Variants in CEP83 observed in about 807,000 individuals in gnomAD.
CEP83 encodes centrosomal protein 83.
In CEP83, 70 loss-of-function variants were observed where a neutral mutation model predicts 101.9. The observed-to-expected ratio is 0.69, with a 90% CI of 0.57 to 0.84. The LOEUF (loss-of-function observed/expected upper bound fraction) is 0.84, where lower values mean the gene tolerates loss of function less well. Ranked by LOEUF, CEP83 falls within the 40% of genes least tolerant of loss-of-function variation. The pLI is 0.00. For missense variants in CEP83, 715 were observed against 787.2 expected, an observed-to-expected ratio of 0.91 and a Z score of 1.10; for synonymous variants, 264 against 267.9, an observed-to-expected ratio of 0.99 and a Z score of 0.14.
intron 8 of CEP83, among the ~76,000 whole-genome samples, chr12:94,372,219 G>A (rs1361986380): frequency 2.0e-5 from 3 of 151,910 alleles, no homozygotes; most frequent in Non-Finnish European, 2.9e-5. Flanking sequence ...TGATCCATCC[G>A]CCTCGGCCTT....
intron 11 of CEP83, among the ~76,000 whole-genome samples, chr12:94,336,895 G>A (rs1227504681): frequency 6.6e-6 from 1 of 151,678 alleles, no homozygotes; most frequent in Non-Finnish European, 1.5e-5. Context: ...AAACTCTTTG[G>A]CTTAAGCAAT....
the CEP83 span, chr12:94,281,981 G>C: frequency 3.3e-6 from 1 of 300,330 alleles, no homozygotes; most frequent in African/African-American, 2.2e-5. Context: ...GGGCACACAA[G>C]TGTGAGCATA....
rs919759745 is a variant in CEP83 at position 94,454,565 on chromosome 12, C to A, written c.-155+4992G>T. Among the ~76,000 whole-genome samples, 5 of 152,164 alleles carry A rather than the reference C, an allele frequency of 3.3e-5. No homozygotes were observed. In the East Asian group the frequency reaches 9.6e-4, roughly 29 times the overall value. The stretch of plus-strand genomic sequence containing the variant: ...ACCAATTAGCAGGATGTGGGTGGGG[C>A]CAAATAAGGGAAGAAGAGCTAGGCA... On this transcript the variant is annotated intron_variant, in intron 1 of 16. Coordinates refer to ENST00000397809, the MANE Select transcript of CEP83 (RefSeq NM_016122.3).
At chr12:94,424,865 C>T in intron 2 of CEP83, 1 of 1,602,114 alleles carries the variant, frequency 6.2e-7, no homozygotes, top group Non-Finnish European at 8.6e-7. Context: ...GTTGCTTGGG[C>T]TAGGTGGTGC....
Position 94,449,680 on chromosome 12 carries a change from G to A in CEP83, c.-155+9877C>T, listed in dbSNP as rs538407765. Among the ~76,000 whole-genome samples the A allele has an allele frequency of 1.7e-4, 26 of 149,558 alleles. No homozygotes were observed. The South Asian group carries it at 5.5e-3, about 31-fold the overall frequency. On this transcript the variant is annotated intron_variant, in intron 1 of 16. Coordinates refer to ENST00000397809, the MANE Select transcript of CEP83 (RefSeq NM_016122.3). ...CCCAGCCACTTGGGAGGCGGAAGCCGGAGAATCGCATGAGCCCAGGAGTTT... is the reference window on the plus strand; with the variant it reads ...CCCAGCCACTTGGGAGGCGGAAGCCAGAGAATCGCATGAGCCCAGGAGTTT...
At chr12:94,278,050 T>G in the CEP83 span, 2 of 455,980 alleles carry the variant, frequency 4.4e-6, no homozygotes, top group African/African-American at 4.0e-5. Context: ...TCTTTCGGCT[T>G]TGGAGCCCCC....
Position 94,378,891 on chromosome 12 carries a change from A to G in CEP83, c.701T>C (p.Leu234Ser), listed in dbSNP as rs2061688764. The G allele has an allele frequency of 1.2e-6, 2 of 1,613,954 alleles. No homozygotes were observed. Among genetic ancestry groups the G allele is most frequent in the African/African-American group, 1.3e-5 (1 of 74,914 alleles). The change falls in exon 7 of 17, where the codon TTA becomes TCA. Residue 234 changes from leucine (L) to serine (S), a missense_variant. Transcript: ENST00000397809. ...CTCAGAATTCTCCTTTTCAGCCTTTAATTCCGCTACTTCAGCCTCTAAACC... is the reference window on the plus strand; with the variant it reads ...CTCAGAATTCTCCTTTTCAGCCTTTGATTCCGCTACTTCAGCCTCTAAACC... ...LKGLEAEVAE[L>S]KAEKENSEAQ... is the part of the protein sequence containing the mutation.
chr12:94,271,607 C>T, the CEP83 span, among the ~76,000 whole-genome samples: 1 of 152,238 alleles, frequency 6.6e-6, no homozygotes, highest in Non-Finnish European at 1.5e-5. Context: ...GTCTCTCAAC[C>T]TCTCAAAACC....
intron 1 of CEP83, among the ~76,000 whole-genome samples, chr12:94,447,856 C>T (rs1487246700): frequency 6.6e-6 from 1 of 151,816 alleles, no homozygotes; most frequent in Non-Finnish European, 1.5e-5. Flanking sequence ...TAAAAAGATA[C>T]ACTAAAGAAT....
At chr12:94,443,391 G>A (rs1009125585) in intron 1 of CEP83, among the ~76,000 whole-genome samples, 21 of 151,898 alleles carry the variant, frequency 1.4e-4, no homozygotes, top group Admixed American at 1.0e-3. Flanking sequence ...AACTATTTTC[G>A]GAGTTTTAGT....
intron 2 of CEP83, among the ~76,000 whole-genome samples, chr12:94,422,945 T>TG (rs202041165): frequency 0.018 from 2,777 of 152,308 alleles, 33 homozygotes; most frequent in Middle Eastern, 0.037. Flanking sequence ...ATTTTCAGTT[T>TG]GGGGGTGGGT....
rs142390703 is a variant in CEP83 at position 94,378,054 on chromosome 12, C to T, written c.801+737G>A. Among the ~76,000 whole-genome samples the T allele has an allele frequency of 2.1e-3, 325 of 151,970 alleles. 1 individual carries two copies. Among genetic ancestry groups the T allele is most frequent in the African/African-American group, 6.8e-3 (282 of 41,442 alleles). On this transcript the variant is annotated intron_variant, in intron 7 of 16. Coordinates refer to ENST00000397809, the MANE Select transcript of CEP83 (RefSeq NM_016122.3). ...TGATTTTAACTACAAATTAAATGCC[C>T]GCTAATGTCCCCCCCACCCAAATCA...
downstream of CEP83, chr12:94,306,783 ACACCT>A (rs1969070232): frequency 6.6e-6 from 1 of 152,240 alleles, no homozygotes; most frequent in South Asian, 2.1e-4. Context: ...GAGAGAGGTG[ACACCT>A]CAACAAACTG....
chr12:94,341,641 T>C (rs1456456254), intron 11 of CEP83, among the ~76,000 whole-genome samples: 1 of 151,984 alleles, frequency 6.6e-6, no homozygotes, highest in Non-Finnish European at 1.5e-5. Context: ...GTTGAGGTCA[T>C]TTACACATTG....
intron 1 of CEP83, among the ~76,000 whole-genome samples, chr12:94,446,033 T>G (rs1211896928): frequency 2.0e-5 from 3 of 152,238 alleles, no homozygotes; most frequent in Non-Finnish European, 4.4e-5. Flanking sequence ...AAAGCACTCT[T>G]ATCAAGCCTG....
At chr12:94,267,160 T>C in the CEP83 span, among the ~76,000 whole-genome samples, 2 of 152,102 alleles carry the variant, frequency 1.3e-5, no homozygotes, top group African/African-American at 4.8e-5. Flanking sequence ...CAAAGAGAAA[T>C]ATTTGCAAAT....
intron 12 of CEP83, 151 bp downstream of exon 12, chr12:94,335,438 A>G (rs1314860272): frequency 1.9e-5 from 11 of 588,596 alleles, no homozygotes; most frequent in Non-Finnish European, 2.7e-5. Context: ...ATTTTAAAAC[A>G]TTTTATCTTT....
intron 14 of CEP83, among the ~76,000 whole-genome samples, chr12:94,313,590 G>A (rs1970212430): frequency 6.7e-6 from 1 of 149,072 alleles, no homozygotes; most frequent in Non-Finnish European, 1.5e-5. Context: ...TATAATCCCA[G>A]CACTTTGGGA....
chr12:94,321,072 T>G (rs1423762520), intron 14 of CEP83, among the ~76,000 whole-genome samples: 1 of 152,220 alleles, frequency 6.6e-6, no homozygotes, highest in African/African-American at 2.4e-5. Flanking sequence ...GTTCATTCTT[T>G]TCTATTCTTC....
Sources: gnomAD v4.1 joint callset for allele counts (sites outside exome capture counted in the v4.1 genomes callset) on GRCh38, gnomAD v4.1.1 for gene constraint, MANE v1.5 for transcripts, NCBI Gene and HGNC (gene_info 2026-07-23, HGNC 2026-07-21) for gene names.